The following P2RY14 variants were observed in gnomAD, a reference collection of about 807,000 sequenced individuals.
P2RY14 encodes the protein P2Y purinoceptor 14.
A neutral mutation model predicts 0.9 loss-of-function variants in P2RY14; 2 were observed. The ratio of observed to expected loss-of-function variants is 2.16; its 90% CI spans 0.88 to 6.79. The LOEUF is 6.79. Ranked by LOEUF, P2RY14 falls within the 30% of genes most tolerant of loss-of-function variation. The pLI is 0.05. For missense variants in P2RY14, 378 were observed against 400.1 expected (o/e 0.94, Z 0.47); for synonymous variants, 158 against 147.2 (o/e 1.07, Z -0.53).
At chr3:151,248,634 C>T (rs189297719) in intron 1 of P2RY14, among the ~76,000 whole-genome samples, 4 of 152,044 alleles carry the variant, frequency 2.6e-5, no homozygotes, top group Admixed American at 2.0e-4. Context: ...ATGTACAAGC[C>T]CCATGAAAGG....
At chr3:151,247,219 T>A (rs2149423925) in intron 1 of P2RY14, among the ~76,000 whole-genome samples, 1 of 152,110 alleles carries the variant, frequency 6.6e-6, no homozygotes, top group South Asian at 2.1e-4. Flanking sequence ...TCCTCAGGGA[T>A]CTAGAACTGG....
In P2RY14 at chr3:151,246,712, A is replaced by T. The variant is rs1283880285; in HGVS notation, c.-132-27070T>A. Among the ~76,000 whole-genome samples, 56 of 152,214 alleles carry T rather than the reference A, an allele frequency of 3.7e-4. No individual in the cohort carries two copies. In the East Asian group the frequency reaches 0.01, roughly 28 times the overall value. ...TTACCATTCAGGACATAGGCATGGG[A>T]AGGACTTCATGTCTAAAACACCAAA... On this transcript the variant is annotated intron_variant, in intron 1 of 2. Coordinates refer to ENST00000309170, the MANE Select transcript of P2RY14 (RefSeq NM_014879.4).
chr3:151,252,507 C>G (rs1737047063), intron 1 of P2RY14, among the ~76,000 whole-genome samples: 1 of 152,100 alleles, frequency 6.6e-6, no homozygotes, highest in Non-Finnish European at 1.5e-5. Flanking sequence ...TCTTTGGCAC[C>G]TGACATTTTT....
chr3:151,274,315 G>A (rs187483837), intron 1 of P2RY14, among the ~76,000 whole-genome samples: 3 of 152,278 alleles, frequency 2.0e-5, no homozygotes, highest in Non-Finnish European at 4.4e-5. Flanking sequence ...CAGCTGCTGT[G>A]TATCAAACTC....
intron 1 of P2RY14, among the ~76,000 whole-genome samples, chr3:151,271,603 A>G (rs1311422995): frequency 1.3e-5 from 2 of 152,220 alleles, no homozygotes; most frequent in Non-Finnish European, 2.9e-5. Flanking sequence ...GAACAACCCA[A>G]ATGCTCATCA....
intron 1 of P2RY14, among the ~76,000 whole-genome samples, chr3:151,268,266 TAA>T (rs1553764098): frequency 6.6e-6 from 1 of 152,056 alleles, no homozygotes; most frequent in African/African-American, 2.4e-5. Flanking sequence ...TATATATATA[TAA>T]GTCAGTTTTC....
At chr3:151,257,600 A>G (rs750134089) in intron 1 of P2RY14, among the ~76,000 whole-genome samples, 3 of 152,256 alleles carry the variant, frequency 2.0e-5, no homozygotes, top group Non-Finnish European at 2.9e-5. Flanking sequence ...GAAGAGAAAA[A>G]TAAATATTGT....
chr3:151,215,681 T>A (rs1728070588), intron 2 of P2RY14, among the ~76,000 whole-genome samples: 1 of 152,212 alleles, frequency 6.6e-6, no homozygotes, highest in Admixed American at 6.5e-5. Context: ...TCGGAACAGA[T>A]GTTTACTGCC....
chr3:151,223,097 C>T (rs1382817529), intron 1 of P2RY14, among the ~76,000 whole-genome samples: 2 of 149,180 alleles, frequency 1.3e-5, no homozygotes, highest in Admixed American at 1.3e-4. Flanking sequence ...TCTCAGTGGC[C>T]TAGGGCAGTA....
intron 1 of P2RY14, among the ~76,000 whole-genome samples, chr3:151,224,446 CTTTT>C (rs80099332): frequency 7.0e-6 from 1 of 143,172 alleles, no homozygotes; most frequent in South Asian, 2.2e-4. Flanking sequence ...ATGTTTAACA[CTTTT>C]TTTTTTTTTG....
intron 1 of P2RY14, among the ~76,000 whole-genome samples, chr3:151,241,505 T>C (rs1186928485): frequency 6.6e-6 from 1 of 152,160 alleles, no homozygotes; most frequent in African/African-American, 2.4e-5. Context: ...TCCCCTATAA[T>C]GGATGGGACT....
At chr3:151,270,871 A>G (rs1411921617) in intron 1 of P2RY14, among the ~76,000 whole-genome samples, 2 of 152,210 alleles carry the variant, frequency 1.3e-5, no homozygotes, top group Non-Finnish European at 2.9e-5. Flanking sequence ...TAGAATTCAC[A>G]TTCTCTGTTG....
At chr3:151,248,174 A>G (rs1736117972) in intron 1 of P2RY14, among the ~76,000 whole-genome samples, 1 of 152,070 alleles carries the variant, frequency 6.6e-6, no homozygotes, top group Admixed American at 6.6e-5. Context: ...TTTAACGCTC[A>G]GAGGAAGCAA....
chr3:151,261,323 C>A (rs1292348789), intron 1 of P2RY14: 1 of 152,028 alleles, frequency 6.6e-6, no homozygotes, highest in African/African-American at 2.4e-5. Context: ...GGTTTCTAAT[C>A]TAATAGGATA....
chr3:151,273,402 A>ATTTTT (rs531443713), intron 1 of P2RY14, among the ~76,000 whole-genome samples: 6 of 113,628 alleles, frequency 5.3e-5, no homozygotes, highest in Non-Finnish European at 1.0e-4. Context: ...TAATTTTTGT[A>ATTTTT]TTTTTTTTTT....
rs11378091 is a variant in P2RY14, at chr3:151,278,365, C to CA, written c.-212_-211insT. 0.11 allele frequency: 16,890 copies of CA among 152,264 alleles called. 1,236 individuals are homozygous for CA. The highest frequency in any genetic ancestry group is 0.18 in the Middle Eastern group (52 of 292). The allele number at this position is 152,264 out of a possible 1,614,324, so 9.4% of individuals were successfully genotyped here. On this transcript the variant is annotated 5_prime_UTR_variant, in exon 1 of 3. The change creates a new upstream start codon in the 5' untranslated region. Transcript: ENST00000309170. ...TCTCATTGTAGGCTCCAAGGTAACA[C>CA]TGTTACAGAGTTCTTGCTCATCTTC...
At chr3:151,230,355 G>C (rs1472266943) in intron 1 of P2RY14, among the ~76,000 whole-genome samples, 1 of 152,214 alleles carries the variant, frequency 6.6e-6, no homozygotes. Flanking sequence ...TTCAATAGAA[G>C]TCAGTCAAGT....
intron 1 of P2RY14, chr3:151,248,932 G>A (rs1459880282): frequency 2.0e-5 from 3 of 152,184 alleles, no homozygotes; most frequent in Non-Finnish European, 4.4e-5. Context: ...AGCATTTGAT[G>A]TTGAGGGAAA....
intron 1 of P2RY14, among the ~76,000 whole-genome samples, chr3:151,241,478 A>C (rs1453980475): frequency 6.6e-6 from 1 of 152,164 alleles, no homozygotes; most frequent in African/African-American, 2.4e-5. Flanking sequence ...AGAAACACTA[A>C]AGGCAGTGAA....
Sources: gnomAD v4.1 joint callset for allele counts (sites outside exome capture counted in the v4.1 genomes callset) on GRCh38, gnomAD v4.1.1 for gene constraint, MANE v1.5 for transcripts, NCBI Gene and HGNC (gene_info 2026-07-23, HGNC 2026-07-21) for gene names.